Variants in SOX9 observed in about 807,000 individuals in gnomAD.
SOX9 encodes the protein SRY-box transcription factor 9.
SOX9 carries 2 observed loss-of-function variants against 44.8 expected under a neutral mutation model. That is an observed-to-expected ratio of 0.04 (90% CI 0.02 to 0.14). SOX9 has a LOEUF of 0.14. Ranked by LOEUF, SOX9 falls within the 10% of genes least tolerant of loss-of-function variation. The pLI, the probability that SOX9 is intolerant of heterozygous loss-of-function variation, is 1.00. For missense variants in SOX9, 583 were observed against 728.6 expected, an observed-to-expected ratio of 0.80 and a Z score of 2.30; for synonymous variants, 381 against 331.8, an observed-to-expected ratio of 1.15 and a Z score of -1.61.
At position 72,121,456 on chromosome 17, in the gene SOX9, C is replaced by G. The variant is rs760834344; in HGVS notation, c.65C>G (p.Pro22Arg). The G allele has an allele frequency of 1.2e-6, 2 of 1,612,816 alleles. No individual in the cohort carries two copies. The highest frequency in any genetic ancestry group is 1.7e-6 in the Non-Finnish European group (2 of 1,179,786). ...DEQEKGLSGA[P>R]SPTMSEDSAG... ...CAGGAGAAGGGCCTGTCCGGCGCCC[C>G]CAGCCCCACCATGTCCGAGGACTCC... Residue 22 changes from proline (P) to arginine (R), a missense_variant, in exon 1 of 3, where the codon CCC becomes CGC. Around this residue, in one of 7 missense-constraint regions of SOX9, gnomAD observed 101 missense variants for 98.6 expected, o/e 1.02. Transcript: ENST00000245479. The surrounding 1 kb of genome is among the most constrained non-coding windows in gnomAD (Gnocchi z 8.3).
In SOX9 at chr17:72,122,841, G is replaced by A. The variant is rs777760556; in HGVS notation, c.554G>A (p.Gly185Glu). Reference protein sequence around the residue: ...QPRRRKSVKNGQAEAEEATEQ... With the variant: ...QPRRRKSVKNEQAEAEEATEQ... Reference sequence around the variant, plus strand: ...CGGCGGAGGAAGTCGGTGAAGAACGGGCAGGCGGAGGCAGAGGAGGCCACG... The same window carrying A: ...CGGCGGAGGAAGTCGGTGAAGAACGAGCAGGCGGAGGCAGAGGAGGCCACG... The change falls in exon 2 of 3, where the codon GGG becomes GAG. Residue 185 changes from glycine to glutamate, a missense_variant. This residue lies in a region of SOX9 where 88 missense variants were observed against 65.5 expected (regional missense o/e 1.34). Transcript: ENST00000245479. 6 of 1,614,160 alleles carry A rather than the reference G, an allele frequency of 3.7e-6. No individual in the cohort carries two copies. Among genetic ancestry groups the A allele is most frequent in the East Asian group, 2.2e-5 (1 of 44,876 alleles).
rs2143249257 is a variant in SOX9, at chr17:72,123,433, G to A, written c.686-110G>A. 1 of 1,471,516 alleles carries A rather than the reference G, an allele frequency of 6.8e-7. No homozygotes were observed. The highest frequency in any genetic ancestry group is 9.5e-7 in the Non-Finnish European group (1 of 1,056,100). The allele number at this position is 1,471,516 out of a possible 1,614,324, so 91.2% of individuals were successfully genotyped here. On this transcript the variant is annotated intron_variant, in intron 2 of 2. Coordinates refer to ENST00000245479, the MANE Select transcript of SOX9 (RefSeq NM_000346.4). The surrounding 1 kb of genome is among the most constrained non-coding windows in gnomAD (Gnocchi z 6.5). Reference sequence around the variant, plus strand: ...CAGCGCGCCTCTTGCGCGGGTGCGGGCCCTTATTACACTTTAGCAGCGAGG... The same window carrying A: ...CAGCGCGCCTCTTGCGCGGGTGCGGACCCTTATTACACTTTAGCAGCGAGG...
At position 72,125,908 on chromosome 17, in the gene SOX9, TGG is replaced by T; in HGVS notation, c.*1523_*1524del. On this transcript the variant is annotated 3_prime_UTR_variant, in exon 3 of 3. Coordinates refer to ENST00000245479, the MANE Select transcript of SOX9 (RefSeq NM_000346.4). ...GGCTGCCTTATATTGTGTGTGTGTGTGGGTGTGTGTGTGTTTTGACACAAAAA... is the reference window on the plus strand; with the variant it reads ...GGCTGCCTTATATTGTGTGTGTGTGTGTGTGTGTGTGTTTTGACACAAAAA... 1.3e-5 allele frequency: 3 copies of T among 231,382 alleles called. No homozygotes were observed. Among genetic ancestry groups the T allele is most frequent in the Non-Finnish European group, 2.6e-5 (3 of 116,670 alleles). The allele number at this position is 231,382 out of a possible 1,614,324, so 14.3% of individuals were successfully genotyped here. A position where few individuals can be genotyped will look rare whatever the true frequency, so the allele number is the denominator to read the frequency against.
At position 72,125,429 on chromosome 17, in the gene SOX9, G is replaced by A. The variant is rs1278694269; in HGVS notation, c.*1042G>A. ...TTGCCTGCCTGGGCCCCATGTGGAA[G>A]GCAGATGCCTGCTCGCTCTGTCACC... On this transcript the variant is annotated 3_prime_UTR_variant, in exon 3 of 3. Coordinates refer to ENST00000245479, the MANE Select transcript of SOX9 (RefSeq NM_000346.4). The A allele has an allele frequency of 8.7e-6, 2 of 229,822 alleles. No individual in the cohort carries two copies. Among genetic ancestry groups the A allele is most frequent in the Non-Finnish European group, 8.6e-6 (1 of 116,008 alleles). The allele number at this position is 229,822 out of a possible 1,614,324, so 14.2% of individuals were successfully genotyped here.
rs1240920173 is a variant in SOX9 at position 72,121,541 on chromosome 17, G to A, written c.150G>A (p.Glu50=). ...ACACCGAGAACACGCGGCCCCAGGA[G>A]AACACGTTCCCCAAGGGCGAGCCCG... ...GSDTENTRPQ[E]NTFPKGEPDL... The change falls in exon 1 of 3, where the codon GAG becomes GAA. Residue 50 remains glutamate (E), a synonymous_variant. Transcript: ENST00000245479. The surrounding 1 kb of genome is among the most constrained non-coding windows in gnomAD (Gnocchi z 8.3). 1 of 1,609,294 alleles carries A rather than the reference G, an allele frequency of 6.2e-7. No homozygotes were observed. Among genetic ancestry groups the A allele is most frequent in the South Asian group, 1.1e-5 (1 of 90,048 alleles).
chr17:72,121,427 C>T lies in SOX9; in HGVS notation c.36C>T (p.Asp12=), dbSNP rs1908085553. Residue 12 remains aspartate (D), a synonymous_variant, in exon 1 of 3, where the codon GAC becomes GAT. Coordinates refer to ENST00000245479, the MANE Select transcript of SOX9 (RefSeq NM_000346.4). The surrounding 1 kb of genome is among the most constrained non-coding windows in gnomAD (Gnocchi z 8.3). Reference sequence around the variant, plus strand: ...TGGACCCCTTCATGAAGATGACCGACGAGCAGGAGAAGGGCCTGTCCGGCG... The same window carrying T: ...TGGACCCCTTCATGAAGATGACCGATGAGCAGGAGAAGGGCCTGTCCGGCG... The part of the protein sequence containing the change: ...NLLDPFMKMT[D]EQEKGLSGAP... The T allele has an allele frequency of 6.2e-7, 1 of 1,612,816 alleles. No individual in the cohort carries two copies. The highest frequency in any genetic ancestry group is 8.5e-7 in the Non-Finnish European group (1 of 1,179,858).
At position 72,121,591 on chromosome 17, in the gene SOX9, A is replaced by G. The variant is rs769953292; in HGVS notation, c.200A>G (p.Asp67Gly). The G allele has an allele frequency of 2.7e-5, 43 of 1,606,702 alleles. No individual in the cohort carries two copies. The highest frequency in any genetic ancestry group is 5.1e-5 in the Admixed American group (3 of 59,024). Residue 67 changes from aspartate to glycine, a missense_variant, in exon 1 of 3, where the codon GAC (aspartate) becomes GGC (glycine). Physicochemically the swap from Asp to Gly is moderately conservative, Grantham distance 94. Coordinates refer to ENST00000245479, the MANE Select transcript of SOX9 (RefSeq NM_000346.4). This position sits in a 1 kb window ranked among gnomAD's most constrained non-coding sequence, Gnocchi z 8.3. Reference protein sequence around the residue: ...EPDLKKESEEDKFPVCIREAV... With the variant: ...EPDLKKESEEGKFPVCIREAV... ...GATCTGAAGAAGGAGAGCGAGGAGG[A>G]CAAGTTCCCCGTGTGCATCCGCGAG...
Position 72,124,852 on chromosome 17 carries a change from AT to A in SOX9, c.*467del. 1 of 271,948 alleles carries A rather than the reference AT, an allele frequency of 3.7e-6. No individual in the cohort carries two copies. 16.8% of individuals were successfully genotyped at this position (271,948 alleles called of 1,614,324 possible). ...ATATTTTTAGTATGTACTGTGTATGATTCATTACCATTTTGAGGGGATTTAT... is the reference window on the plus strand; with the variant it reads ...ATATTTTTAGTATGTACTGTGTATGATCATTACCATTTTGAGGGGATTTAT... On this transcript the variant is annotated 3_prime_UTR_variant, in exon 3 of 3. Transcript: ENST00000245479. The surrounding 1 kb of genome is among the most constrained non-coding windows in gnomAD (Gnocchi z 4.6).
In SOX9 at chr17:72,124,612, G is replaced by A. The variant is rs763682275; in HGVS notation, c.*225G>A. The A allele has an allele frequency of 1.0e-4, 62 of 622,388 alleles. No homozygotes were observed. Among genetic ancestry groups the A allele is most frequent in the Admixed American group, 1.9e-4 (7 of 37,688 alleles). 38.6% of individuals were successfully genotyped at this position (622,388 alleles called of 1,614,324 possible). ...ACCTATCCAAGCGCATTACCCACTT[G>A]TGGCCAATCAGTGGCCAGGCCAACC... is the stretch of plus-strand genomic sequence containing the variant. On this transcript the variant is annotated 3_prime_UTR_variant, in exon 3 of 3. Coordinates refer to ENST00000245479, the MANE Select transcript of SOX9 (RefSeq NM_000346.4). The surrounding 1 kb of genome is among the most constrained non-coding windows in gnomAD (Gnocchi z 4.6).
Position 72,124,228 on chromosome 17 carries a change from C to G in SOX9, c.1371C>G (p.Gly457=), listed in dbSNP as rs1212863272. 1 of 1,613,810 alleles carries G rather than the reference C, an allele frequency of 6.2e-7. No individual in the cohort carries two copies. The highest frequency in any genetic ancestry group is 1.1e-5 in the South Asian group (1 of 91,048). Residue 457 remains glycine (G), a synonymous_variant, in exon 3 of 3, where the codon GGC becomes GGG. Coordinates refer to ENST00000245479, the MANE Select transcript of SOX9 (RefSeq NM_000346.4). This position sits in a 1 kb window ranked among gnomAD's most constrained non-coding sequence, Gnocchi z 4.6. The part of the protein sequence containing the change: ...NSSSYYSHAA[G]QGTGLYSTFT... The stretch of plus-strand genomic sequence containing the variant: ...GCTCCTACTACAGCCACGCGGCAGG[C>G]CAGGGCACCGGCCTCTACTCCACCT...
At position 72,121,422 on chromosome 17, in the gene SOX9, A is replaced by C. The variant is rs1287145712; in HGVS notation, c.31A>C (p.Thr11Pro). The change falls in exon 1 of 3, where the codon ACC becomes CCC. Residue 11 changes from threonine to proline, a missense_variant. Physicochemically the swap from Thr to Pro is conservative, Grantham distance 38. Around this residue, in one of 7 missense-constraint regions of SOX9, gnomAD observed 101 missense variants for 98.6 expected, o/e 1.02. Coordinates refer to ENST00000245479, the MANE Select transcript of SOX9 (RefSeq NM_000346.4). This position sits in a 1 kb window ranked among gnomAD's most constrained non-coding sequence, Gnocchi z 8.3. Reference protein sequence around the residue: MNLLDPFMKMTDEQEKGLSGA... With the variant: MNLLDPFMKMPDEQEKGLSGA... ...TCTCCTGGACCCCTTCATGAAGATG[A>C]CCGACGAGCAGGAGAAGGGCCTGTC... The C allele has an allele frequency of 6.2e-7, 1 of 1,612,636 alleles. No individual in the cohort carries two copies. Among genetic ancestry groups the C allele is most frequent in the Admixed American group, 1.7e-5 (1 of 60,012 alleles).
At position 72,122,887 on chromosome 17, in the gene SOX9, C is replaced by G. The variant is rs1598176025; in HGVS notation, c.600C>G (p.Pro200=). 1 of 1,614,150 alleles carries G rather than the reference C, an allele frequency of 6.2e-7. No individual in the cohort carries two copies. Among genetic ancestry groups the G allele is most frequent in the Non-Finnish European group, 8.5e-7 (1 of 1,180,032 alleles). The change falls in exon 2 of 3, where the codon CCC becomes CCG. Residue 200 remains proline, a synonymous_variant. Coordinates refer to ENST00000245479, the MANE Select transcript of SOX9 (RefSeq NM_000346.4). The stretch of plus-strand genomic sequence containing the variant: ...CCACGGAGCAGACGCACATCTCCCC[C>G]AACGCCATCTTCAAGGCGCTGCAGG... ...EEATEQTHIS[P]NAIFKALQAD...
rs2143258743 is a variant in SOX9, at chr17:72,124,345, G to A, written c.1488G>A (p.Gln496=). ...VPSIPQTHSP[Q]HWEQPVYTQL... is the part of the protein sequence containing the mutation. Reference sequence around the variant, plus strand: ...CCATCCCGCAGACCCACAGCCCCCAGCACTGGGAACAACCCGTCTACACAC... The same window carrying A: ...CCATCCCGCAGACCCACAGCCCCCAACACTGGGAACAACCCGTCTACACAC... Residue 496 remains glutamine (Q), a synonymous_variant, in exon 3 of 3, where the codon CAG becomes CAA. Coordinates refer to ENST00000245479, the MANE Select transcript of SOX9 (RefSeq NM_000346.4). The surrounding 1 kb of genome is among the most constrained non-coding windows in gnomAD (Gnocchi z 4.6). 1 of 1,601,544 alleles carries A rather than the reference G, an allele frequency of 6.2e-7. No individual in the cohort carries two copies. Among genetic ancestry groups the A allele is most frequent in the Non-Finnish European group, 8.5e-7 (1 of 1,179,944 alleles).
rs769768816 is a variant in SOX9 at position 72,125,270 on chromosome 17, CTT to C, written c.*886_*887del. ...GGTGCTGCTGGGAAACATTTGCACT[CTT>C]TTAGTGCATTTCCTCCTGCCTTTGC... On this transcript the variant is annotated 3_prime_UTR_variant, in exon 3 of 3. Transcript: ENST00000245479. The C allele has an allele frequency of 4.4e-6, 1 of 228,984 alleles. No individual in the cohort carries two copies. The highest frequency in any genetic ancestry group is 8.7e-6 in the Non-Finnish European group (1 of 115,256). 14.2% of individuals were successfully genotyped at this position (228,984 alleles called of 1,614,324 possible).
rs2143253536 is a variant in SOX9 at position 72,123,905 on chromosome 17, C to A, written c.1048C>A (p.Pro350Thr). The A allele has an allele frequency of 7.3e-7, 1 of 1,361,220 alleles. No homozygotes were observed. The highest frequency in any genetic ancestry group is 9.4e-7 in the Non-Finnish European group (1 of 1,064,342). 84.3% of individuals were successfully genotyped at this position (1,361,220 alleles called of 1,614,324 possible). ...QAPPPPPQQP[P>T]QAPPAPQAPP... ...GCCGCCGCCACCCCCGCAGCAGCCC[C>A]CACAGGCCCCGCCGGCCCCGCAGGC... Residue 350 changes from proline (P) to threonine (T), a missense_variant, in exon 3 of 3, where the codon CCA becomes ACA. By Grantham distance (38) the Pro-to-Thr change is conservative (BLOSUM62 -1). Coordinates refer to ENST00000245479, the MANE Select transcript of SOX9 (RefSeq NM_000346.4). The surrounding 1 kb of genome is among the most constrained non-coding windows in gnomAD (Gnocchi z 6.5).
chr17:72,124,664 C>A lies in SOX9; in HGVS notation c.*277C>A, dbSNP rs1908229393. 1.8e-6 allele frequency: 1 copy of A among 549,632 alleles called. No individual in the cohort carries two copies. Among genetic ancestry groups the A allele is most frequent in the Non-Finnish European group, 3.3e-6 (1 of 305,282 alleles). The allele number at this position is 549,632 out of a possible 1,614,324, so 34.0% of individuals were successfully genotyped here. ...TGGCTAAATGGAGCAGCGAAATCAA[C>A]GAGAAACTGGACTTTTTAAACCCTC... On this transcript the variant is annotated 3_prime_UTR_variant, in exon 3 of 3. Coordinates refer to ENST00000245479, the MANE Select transcript of SOX9 (RefSeq NM_000346.4). This position sits in a 1 kb window ranked among gnomAD's most constrained non-coding sequence, Gnocchi z 4.6.
chr17:72,123,048 AT>A lies in SOX9; in HGVS notation c.685+78del. On this transcript the variant is annotated intron_variant, in intron 2 of 2. Transcript: ENST00000245479. This position sits in a 1 kb window ranked among gnomAD's most constrained non-coding sequence, Gnocchi z 6.5. ...ACACCCCCTGCCCTCCGCCTGGGAG[AT>A]TCTTCGTGGGGACTTTATGCTTCCC... The A allele has an allele frequency of 6.4e-7, 1 of 1,567,430 alleles. No homozygotes were observed.
Position 72,124,753 on chromosome 17 carries a change from T to A in SOX9, c.*366T>A. The stretch of plus-strand genomic sequence containing the variant: ...TCAGTGTGCTAAATCTCTCTGCCTG[T>A]TTGGACTTTGTAATTATTTTTTTAG... On this transcript the variant is annotated 3_prime_UTR_variant, in exon 3 of 3. Transcript: ENST00000245479. The surrounding 1 kb of genome is among the most constrained non-coding windows in gnomAD (Gnocchi z 4.6). 1 of 408,968 alleles carries A rather than the reference T, an allele frequency of 2.4e-6. No homozygotes were observed. The highest frequency in any genetic ancestry group is 4.5e-6 in the Non-Finnish European group (1 of 223,208). The allele number at this position is 408,968 out of a possible 1,614,324, so 25.3% of individuals were successfully genotyped here. A position where few individuals can be genotyped will look rare whatever the true frequency, so the allele number is the denominator to read the frequency against.
rs2143238388 is a variant in SOX9 at position 72,121,595 on chromosome 17, G to C, written c.204G>C (p.Lys68Asn). ...PDLKKESEEDKFPVCIREAVS... is the reference protein window; with the variant it reads ...PDLKKESEEDNFPVCIREAVS... ...TGAAGAAGGAGAGCGAGGAGGACAA[G>C]TTCCCCGTGTGCATCCGCGAGGCGG... The change falls in exon 1 of 3, where the codon AAG (lysine) becomes AAC (asparagine). Residue 68 changes from lysine to asparagine, a missense_variant. Transcript: ENST00000245479. The surrounding 1 kb of genome is among the most constrained non-coding windows in gnomAD (Gnocchi z 8.3). The C allele has an allele frequency of 6.2e-7, 1 of 1,606,324 alleles. No individual in the cohort carries two copies. The highest frequency in any genetic ancestry group is 8.5e-7 in the Non-Finnish European group (1 of 1,176,734).
Sources: allele counts gnomAD v4.1 joint callset, GRCh38; gene constraint gnomAD v4.1.1; regional missense constraint gnomAD v4.1.1; non-coding constraint Gnocchi (gnomAD v3.1); transcripts MANE v1.5; gene names NCBI Gene and HGNC (gene_info 2026-07-23, HGNC 2026-07-21).